Variants in FCRL2 observed in about 807,000 individuals in gnomAD.
FCRL2 encodes the protein Fc receptor-like protein 2.
In FCRL2, 48 loss-of-function variants were observed where a neutral mutation model predicts 59.8. The observed-to-expected ratio is 0.80, with a 90% confidence interval of 0.64 to 1.02. The LOEUF (loss-of-function observed/expected upper bound fraction) is 1.02, where lower values mean the gene tolerates loss of function less well. Ranked by LOEUF, FCRL2 falls within the 50% of genes least tolerant of loss-of-function variation. The probability of loss-of-function intolerance (pLI) is 0.00; values close to 1 mark genes in which losing one functional copy is unlikely to be tolerated. For missense variants in FCRL2, 658 were observed against 597.3 expected (o/e 1.10, Z -1.06); for synonymous variants, 251 against 229.5 (o/e 1.09, Z -0.85).
At chr1:157,753,849 C>T (rs1361264559) in intron 7 of FCRL2, among the ~76,000 whole-genome samples, 1 of 152,078 alleles carries the variant, frequency 6.6e-6, no homozygotes, top group Non-Finnish European at 1.5e-5. Context: ...ACACTCAACA[C>T]TCAAGGAATT....
intron 7 of FCRL2, among the ~76,000 whole-genome samples, chr1:157,764,291 T>C (rs1230597683): frequency 2.0e-5 from 3 of 152,046 alleles, no homozygotes; most frequent in Non-Finnish European, 2.9e-5. Flanking sequence ...AGGATATATA[T>C]GTACTCAACA....
At chr1:157,774,308 C>T (rs554327090) in intron 2 of FCRL2, 1 of 377,616 alleles carries the variant, frequency 2.6e-6, no homozygotes, top group South Asian at 2.0e-5. Context: ...AACTTTTCCC[C>T]AGAGCCAAGA....
Position 157,768,582 on chromosome 1 carries a change from A to G in FCRL2, c.715T>C (p.Trp239Arg). ...AGGTGNVTFS[W>R]YREATGTSMG... ...CTGGTTCCTGTGGCCTCTCTGTACC[A>G]GGAGAATGTGACATTTCCTGTACCC... Residue 239 changes from tryptophan (W) to arginine (R), a missense_variant, in exon 5 of 12, where the codon TGG becomes CGG. Physicochemically the swap from Trp to Arg is moderately radical, Grantham distance 101. Transcript: ENST00000361516. 2 of 1,614,176 alleles carry G rather than the reference A, an allele frequency of 1.2e-6. No homozygotes were observed. Among genetic ancestry groups the G allele is most frequent in the African/African-American group, 1.3e-5 (1 of 75,044 alleles).
Position 157,767,274 on chromosome 1 carries a change from G to C in FCRL2, c.1119C>G (p.Gly373=), listed in dbSNP as rs1415323889. The change falls in exon 6 of 12, where the codon GGC becomes GGG. Residue 373 remains glycine, a synonymous_variant. Coordinates refer to ENST00000361516, the MANE Select transcript of FCRL2 (RefSeq NM_030764.4). ...CTGCCTCACTGCACTGGGCCCCCAG[G>C]CCGTTGTTGGCCTCACAGGAGTAGT... ...SGNYSCEANN[G]LGAQCSEAVP... 1 of 1,614,182 alleles carries C rather than the reference G, an allele frequency of 6.2e-7. No individual in the cohort carries two copies. The highest frequency in any genetic ancestry group is 8.5e-7 in the Non-Finnish European group (1 of 1,180,014).
rs746087124 is a variant in FCRL2, at chr1:157,768,605, C to T, written c.692G>A (p.Gly231Asp). ...KLILLCSVAG[G>D]TGNVTFSWYR... ...CCAGGAGAATGTGACATTTCCTGTA[C>T]CCCCAGCCACTGAGCAGAGCAGGAT... The change falls in exon 5 of 12, where the codon GGT becomes GAT. Residue 231 changes from glycine (G) to aspartate (D), a missense_variant. Coordinates refer to ENST00000361516, the MANE Select transcript of FCRL2 (RefSeq NM_030764.4). 3.1e-6 allele frequency: 5 copies of T among 1,614,176 alleles called. No homozygotes were observed. The highest frequency in any genetic ancestry group is 4.5e-5 in the East Asian group (2 of 44,884).
intron 2 of FCRL2, 83 bp from the exon 3 acceptor site, chr1:157,770,749 C>T: frequency 6.9e-7 from 1 of 1,447,912 alleles, no homozygotes; most frequent in Non-Finnish European, 9.4e-7. Flanking sequence ...TGGTCTCAGG[C>T]ATAGCCTCTA....
rs868241309 is a variant in FCRL2 at position 157,759,570 on chromosome 1, A to G, written c.1279+7285T>C. ...ATCCAACAAAGCTTTAATACCTAGA[A>G]TCTACTAGGAACTCAAGCAAATCAA... On this transcript the variant is annotated intron_variant, in intron 7 of 11. Coordinates refer to ENST00000361516, the MANE Select transcript of FCRL2 (RefSeq NM_030764.4). Among the ~76,000 whole-genome samples, 4 of 152,356 alleles carry G rather than the reference A, an allele frequency of 2.6e-5. No homozygotes were observed. In the Middle Eastern group the frequency reaches 0.014, roughly 518 times the overall value.
At chr1:157,776,983 T>G in intron 1 of FCRL2, 60 bp downstream of exon 1, 1 of 1,518,886 alleles carries the variant, frequency 6.6e-7, no homozygotes, top group Non-Finnish European at 9.1e-7. Context: ...TCCAACCTTT[T>G]GGGAGCAGTA....
rs189032746 is a variant in FCRL2 at position 157,759,319 on chromosome 1, C to A, written c.1279+7536G>T. ...CAGTCTTGAGTATTTCTTTACAGCA[C>A]TGTGAGAACAGACTAATACAAAACT... On this transcript the variant is annotated intron_variant, in intron 7 of 11. Transcript: ENST00000361516. 2.6e-5 allele frequency among the ~76,000 whole-genome samples: 4 copies of A among 152,230 alleles called. No individual in the cohort carries two copies. The East Asian group carries it at 7.7e-4, about 29-fold the overall frequency.
Position 157,767,135 on chromosome 1 carries a change from G to A in FCRL2, c.1162+96C>T, listed in dbSNP as rs75264743. 3.0e-3 allele frequency: 4,418 copies of A among 1,459,402 alleles called. 110 individuals carry two copies. In the African/African-American group the frequency reaches 0.056, roughly 19 times the overall value. The allele number at this position is 1,459,402 out of a possible 1,614,324, so 90.4% of individuals were successfully genotyped here. On this transcript the variant is annotated intron_variant, in intron 6 of 11. Coordinates refer to ENST00000361516, the MANE Select transcript of FCRL2 (RefSeq NM_030764.4). ...GAGAAGAGAAGCCACTGGACACTGA[G>A]ATCACCTTCCCCCTCTTCACACACA...
chr1:157,766,673 G>T, intron 7 of FCRL2, 182 bp downstream of exon 7: 2 of 861,522 alleles, frequency 2.3e-6, no homozygotes, highest in Non-Finnish European at 3.5e-6. Context: ...GTGACATATT[G>T]TATAATTAGC....
chr1:157,770,098 C>A lies in FCRL2; in HGVS notation c.363G>T (p.Gly121=). 1 of 1,614,170 alleles carries A rather than the reference C, an allele frequency of 6.2e-7. No individual in the cohort carries two copies. The highest frequency in any genetic ancestry group is 8.5e-7 in the Non-Finnish European group (1 of 1,180,028). ...LTASSFQPIE[G]GPVSLKCETR... ...TCTCACATTTCAGGCTCACTGGACC[C>A]CCTTCGATGGGCTGGAAGGAGCTGG... The change falls in exon 4 of 12, where the codon GGG becomes GGT. Residue 121 remains glycine, a synonymous_variant. Transcript: ENST00000361516.
rs75808442 is a variant in FCRL2, at chr1:157,764,404, T to C, written c.1279+2451A>G. 6.3e-3 allele frequency among the ~76,000 whole-genome samples: 967 copies of C among 152,334 alleles called. 7 individuals carry two copies. The highest frequency in any genetic ancestry group is 0.022 in the African/African-American group (926 of 41,562). ...TAATTCAACACTTCACTCTTAGCAT[T>C]AGACAGATCATCTGAATAGTAAATC... On this transcript the variant is annotated intron_variant, in intron 7 of 11. Transcript: ENST00000361516.
chr1:157,768,668 C>T lies in FCRL2; in HGVS notation c.629G>A (p.Arg210Gln), dbSNP rs140692074. 107 of 1,613,440 alleles carry T rather than the reference C, an allele frequency of 6.6e-5. No individual in the cohort carries two copies. Among genetic ancestry groups the T allele is most frequent in the African/African-American group, 4.3e-4 (32 of 75,004 alleles). ...TTCAGTCACCTGTCCCCCGGGGGCC[C>T]GGATCTCCAAGCTTACATTAGAGAT... ...IPISNVSLEI[R>Q]APGGQVTEGQ... The change falls in exon 5 of 12, where the codon CGG becomes CAG. Residue 210 changes from arginine (R) to glutamine (Q), a missense_variant. Transcript: ENST00000361516.
Position 157,748,563 on chromosome 1 carries a change from T to G in FCRL2, c.1449A>C (p.Pro483=). The G allele has an allele frequency of 6.2e-7, 1 of 1,613,848 alleles. No homozygotes were observed. The highest frequency in any genetic ancestry group is 8.5e-7 in the Non-Finnish European group (1 of 1,179,774). The change falls in exon 10 of 12, where the codon CCA becomes CCC. Residue 483 remains proline (P), a synonymous_variant. Transcript: ENST00000361516. The part of the protein sequence containing the change: ...VYSQVWSMQQ[P]ESSANIRTLL... ...TTTGCAGTTTCTCACCTGAGCTTTC[T>G]GGCTGCTGCATGCTCCAGACCTGAG... is the stretch of plus-strand genomic sequence containing the variant.
intron 1 of FCRL2, 93 bp downstream of exon 1, chr1:157,776,950 A>G (rs1179820865): frequency 1.6e-6 from 2 of 1,231,496 alleles, no homozygotes; most frequent in Non-Finnish European, 2.4e-6. Context: ...CATCCCCACC[A>G]GTCCCTGGGC....
At chr1:157,762,434 A>C (rs1005633011) in intron 7 of FCRL2, among the ~76,000 whole-genome samples, 2 of 152,236 alleles carry the variant, frequency 1.3e-5, no homozygotes, top group Non-Finnish European at 2.9e-5. Context: ...AGGACCAAGA[A>C]TTGGCACATT....
At chr1:157,767,074 T>C in intron 6 of FCRL2, 103 bp from the exon 7 acceptor site, 1 of 1,327,742 alleles carries the variant, frequency 7.5e-7, no homozygotes, top group South Asian at 1.4e-5. Flanking sequence ...TAAGAGATCA[T>C]TGAAGTGTAG....
intron 7 of FCRL2, among the ~76,000 whole-genome samples, chr1:157,760,698 GGAAAGAAA>G (rs1163684979): frequency 0.11 from 10,590 of 96,862 alleles, 555 homozygotes; most frequent in Middle Eastern, 0.18. Context: ...AAAGAAAGAA[GGAAAGAAA>G]GAAAGAAAGA....
Sources: gnomAD v4.1 joint callset for allele counts (sites outside exome capture counted in the v4.1 genomes callset) on GRCh38, gnomAD v4.1.1 for gene constraint, MANE v1.5 for transcripts, NCBI Gene and HGNC (gene_info 2026-07-23, HGNC 2026-07-21) for gene names.